SV2C: variants seen among roughly 807,000 people sequenced by gnomAD.
SV2C encodes solute carrier family 22 member B3.
A neutral mutation model predicts 79.7 loss-of-function variants in SV2C; 49 were observed. That is an observed-to-expected ratio of 0.61 (90% CI 0.49 to 0.78). The LOEUF is 0.78. SV2C is among the 30% of genes least tolerant of loss of function. SV2C has a pLI of 0.00. For synonymous variants in SV2C, 334 were observed against 333.2 expected, an observed-to-expected ratio of 1.00 and a Z score of -0.03; for missense variants, 833 against 912.9, an observed-to-expected ratio of 0.91 and a Z score of 1.13.
chr5:75,916,289 CTCCCCT>C, the SV2C span, among the ~76,000 whole-genome samples: 9 of 146,260 alleles, frequency 6.2e-5, no homozygotes, highest in Non-Finnish European at 9.0e-5. Flanking sequence ...CCTCCTCCTC[CTCCCCT>C]TCCCCTTCCC....
chr5:76,049,900 C>A, the SV2C span, among the ~76,000 whole-genome samples: 3 of 152,186 alleles, frequency 2.0e-5, no homozygotes, highest in African/African-American at 7.2e-5. Context: ...AAACAAAATT[C>A]TCAGTAAAAC....
intron 2 of SV2C, among the ~76,000 whole-genome samples, chr5:76,140,176 A>G (rs1415384067): frequency 6.6e-6 from 1 of 152,184 alleles, no homozygotes; most frequent in Non-Finnish European, 1.5e-5. Context: ...AGCATCTACT[A>G]TGTGACAAGC....
chr5:76,101,205 T>A (rs1747732136), intron 1 of SV2C, among the ~76,000 whole-genome samples: 1 of 151,780 alleles, frequency 6.6e-6, no homozygotes, highest in Non-Finnish European at 1.5e-5. Context: ...GGTGGGAGAT[T>A]GAGCTGAAGG....
At chr5:75,937,817 C>G in the SV2C span, among the ~76,000 whole-genome samples, 4 of 152,056 alleles carry the variant, frequency 2.6e-5, no homozygotes, top group Non-Finnish European at 5.9e-5. Context: ...TTCCCATAAC[C>G]AACTGTAATT....
intron 2 of SV2C, among the ~76,000 whole-genome samples, chr5:76,138,909 G>A (rs1191349727): frequency 2.0e-5 from 3 of 152,122 alleles, no homozygotes; most frequent in Non-Finnish European, 2.9e-5. Flanking sequence ...ACGAAGTCAG[G>A]AGATTTAGAC....
At chr5:76,316,138 G>A (rs1215714905) in intron 12 of SV2C, among the ~76,000 whole-genome samples, 1 of 152,112 alleles carries the variant, frequency 6.6e-6, no homozygotes, top group African/African-American at 2.4e-5. Context: ...AAAGCAGAAA[G>A]CAAAATTGTC....
intron 2 of SV2C, among the ~76,000 whole-genome samples, chr5:76,172,294 G>A (rs1743319137): frequency 1.6e-5 from 2 of 122,914 alleles, no homozygotes; most frequent in Admixed American, 8.5e-5. Context: ...GAGGTGGGGG[G>A]GGGGGTCAGC....
chr5:76,160,294 A>G (rs1363632785), intron 2 of SV2C, among the ~76,000 whole-genome samples: 2 of 152,200 alleles, frequency 1.3e-5, no homozygotes, highest in Non-Finnish European at 2.9e-5. Flanking sequence ...AAGAAGGACA[A>G]ACTAGGAGGC....
At chr5:76,148,629 A>T (rs769729145) in intron 2 of SV2C, among the ~76,000 whole-genome samples, 88 of 152,128 alleles carry the variant, frequency 5.8e-4, no homozygotes, top group South Asian at 3.1e-3. Context: ...TTTTAAAAAA[A>T]TTTTTGTAGA....
At chr5:76,011,344 A>G in the SV2C span, among the ~76,000 whole-genome samples, 5 of 152,274 alleles carry the variant, frequency 3.3e-5, no homozygotes, top group Admixed American at 6.5e-5. Flanking sequence ...AACTAGTATA[A>G]TAGCTAGTTC....
rs374159948 is a variant in SV2C at position 76,176,881 on chromosome 5, C to T, written c.581-18038C>T. Among the ~76,000 whole-genome samples the T allele has an allele frequency of 1.1e-3, 174 of 152,192 alleles. 2 individuals carry two copies. Among genetic ancestry groups the T allele is most frequent in the Admixed American group, 2.0e-3 (31 of 15,286 alleles). ...CTGTAATCCCAGCACTTTGGGAGAA[C>T]GAGGTGGATGGATCACAAGGTCAGG... On this transcript the variant is annotated intron_variant, in intron 2 of 12. Coordinates refer to ENST00000502798, the MANE Select transcript of SV2C (RefSeq NM_014979.4).
intron 12 of SV2C, among the ~76,000 whole-genome samples, chr5:76,311,813 G>A (rs181044647): frequency 3.5e-4 from 54 of 152,114 alleles, no homozygotes; most frequent in South Asian, 1.2e-3. Context: ...TCATTTCTCC[G>A]TCCCCAGTCC....
chr5:76,262,065 G>A (rs548770207), intron 4 of SV2C, among the ~76,000 whole-genome samples: 9 of 152,210 alleles, frequency 5.9e-5, no homozygotes, highest in Admixed American at 2.0e-4. Flanking sequence ...CTGTGAATCC[G>A]TCTGGTCCTG....
At chr5:76,259,637 C>T (rs2112454618) in intron 4 of SV2C, among the ~76,000 whole-genome samples, 1 of 151,992 alleles carries the variant, frequency 6.6e-6, no homozygotes, top group African/African-American at 2.4e-5. Flanking sequence ...GTGATGTTCC[C>T]CCTCCCTATG....
chr5:76,056,381 G>A, the SV2C span, among the ~76,000 whole-genome samples: 1 of 152,070 alleles, frequency 6.6e-6, no homozygotes, highest in South Asian at 2.1e-4. Context: ...ATGTGCTGCT[G>A]GATTCCATTT....
chr5:76,243,689 A>C (rs575839639), intron 4 of SV2C, among the ~76,000 whole-genome samples: 1 of 152,268 alleles, frequency 6.6e-6, no homozygotes, highest in Admixed American at 6.5e-5. Context: ...ATTCTCAACA[A>C]GACAACCAGT....
chr5:76,032,509 G>C, the SV2C span, among the ~76,000 whole-genome samples: 1 of 151,846 alleles, frequency 6.6e-6, no homozygotes, highest in Non-Finnish European at 1.5e-5. Flanking sequence ...TGGGTTTTTT[G>C]TTCTTGCGAT....
intron 3 of SV2C, among the ~76,000 whole-genome samples, chr5:76,209,160 G>A (rs1003002322): frequency 1.3e-5 from 2 of 152,056 alleles, no homozygotes; most frequent in East Asian, 3.9e-4. Context: ...ATATCTACTG[G>A]ATTGGGACTA....
the SV2C span, among the ~76,000 whole-genome samples, chr5:75,969,677 T>C: frequency 6.6e-6 from 1 of 152,088 alleles, no homozygotes; most frequent in Admixed American, 6.5e-5. Context: ...ATAAAGCAAG[T>C]CCTGAGTGAC....
Sources: gnomAD v4.1 joint callset for allele counts (sites outside exome capture counted in the v4.1 genomes callset) on GRCh38, gnomAD v4.1.1 for gene constraint, MANE v1.5 for transcripts, NCBI Gene and HGNC (gene_info 2026-07-23, HGNC 2026-07-21) for gene names.